Variants in PDIA5 observed in about 807,000 individuals in gnomAD.
PDIA5 encodes protein disulfide isomerase family A member 5, also known as protein disulfide-isomerase A5.
A neutral mutation model predicts 77.6 loss-of-function variants in PDIA5; 58 were observed. The observed-to-expected ratio is 0.75, with a 90% confidence interval of 0.61 to 0.93. The LOEUF (loss-of-function observed/expected upper bound fraction) is 0.93. Among genes scored for constraint, PDIA5 ranks in the 40% least tolerant of loss-of-function variants. PDIA5 has a pLI of 0.00. For missense variants in PDIA5, 630 were observed against 647.7 expected (o/e 0.97, Z 0.30); for synonymous variants, 250 against 252.1 (o/e 0.99, Z 0.08).
At chr3:123,079,360 T>G (rs2107909068) in intron 1 of PDIA5, among the ~76,000 whole-genome samples, 1 of 152,156 alleles carries the variant, frequency 6.6e-6, no homozygotes, top group African/African-American at 2.4e-5. Context: ...TTTTGTATTT[T>G]TAGTAGAGAC....
At chr3:123,082,243 T>C (rs1413985801) in intron 1 of PDIA5, among the ~76,000 whole-genome samples, 1 of 152,118 alleles carries the variant, frequency 6.6e-6, no homozygotes, top group Non-Finnish European at 1.5e-5. Context: ...TCTGCTTGTG[T>C]TGTGCCATCT....
chr3:123,095,185 T>C (rs1419901110), intron 3 of PDIA5, among the ~76,000 whole-genome samples: 3 of 152,244 alleles, frequency 2.0e-5, no homozygotes, highest in African/African-American at 7.2e-5. Flanking sequence ...TCTGCCTTCT[T>C]TCCAGGTCTG....
intron 3 of PDIA5, among the ~76,000 whole-genome samples, chr3:123,096,806 G>T (rs1191109987): frequency 6.6e-6 from 1 of 152,230 alleles, no homozygotes; most frequent in African/African-American, 2.4e-5. Flanking sequence ...TAAGCGGGTT[G>T]TGTGTGCGGG....
chr3:123,153,924 G>T (rs1157997764), intron 14 of PDIA5, among the ~76,000 whole-genome samples: 1 of 152,222 alleles, frequency 6.6e-6, no homozygotes, highest in African/African-American at 2.4e-5. Flanking sequence ...GCTGGCTGAC[G>T]TAGAGGTGTG....
At chr3:123,132,908 A>G (rs935731907) in intron 11 of PDIA5, among the ~76,000 whole-genome samples, 7 of 152,154 alleles carry the variant, frequency 4.6e-5, no homozygotes, top group Admixed American at 1.3e-4. Context: ...GGTTGTGCGC[A>G]TGTGGGTTTA....
chr3:123,138,760 G>C (rs185566439), intron 11 of PDIA5, among the ~76,000 whole-genome samples: 1 of 152,010 alleles, frequency 6.6e-6, no homozygotes, highest in Non-Finnish European at 1.5e-5. Flanking sequence ...GCCCCTCCAC[G>C]CCCGTATTTC....
In PDIA5 at chr3:123,130,021, C is replaced by T. The variant is rs563512002; in HGVS notation, c.774-459C>T. On this transcript the variant is annotated intron_variant, in intron 10 of 16. Coordinates refer to ENST00000316218, the MANE Select transcript of PDIA5 (RefSeq NM_006810.4). ...CTGGCCTCTCTCTCTCCTCCTCACC[C>T]CCTCCTCTCTGTACCCTCTTCCTCC... Among the ~76,000 whole-genome samples, 10 of 152,324 alleles carry T rather than the reference C, an allele frequency of 6.6e-5. No homozygotes were observed. The East Asian group carries it at 1.9e-3, about 29-fold the overall frequency.
At chr3:123,145,670 G>A (rs1935752478) in intron 12 of PDIA5, 78 bp downstream of exon 12, 2 of 1,261,560 alleles carry the variant, frequency 1.6e-6, no homozygotes, top group African/African-American at 3.0e-5. Context: ...ACTTTCCCCT[G>A]CAAGCCCTGC....
intron 11 of PDIA5, among the ~76,000 whole-genome samples, chr3:123,135,066 G>T (rs1424047454): frequency 1.3e-5 from 2 of 152,238 alleles, no homozygotes; most frequent in Non-Finnish European, 2.9e-5. Flanking sequence ...TGCAAATGGT[G>T]TGTCAGGAGG....
intron 8 of PDIA5, among the ~76,000 whole-genome samples, chr3:123,119,941 C>G (rs190582450): frequency 2.6e-5 from 4 of 152,322 alleles, no homozygotes; most frequent in Admixed American, 2.0e-4. Context: ...GTCAGGGATG[C>G]ACAGCCTTTG....
At chr3:123,122,238 T>C (rs1326388415) in intron 8 of PDIA5, among the ~76,000 whole-genome samples, 1 of 152,100 alleles carries the variant, frequency 6.6e-6, no homozygotes, top group Non-Finnish European at 1.5e-5. Context: ...AAGATTAATC[T>C]GTGGTGAATG....
chr3:123,084,817 GTC>G (rs1055117399), intron 1 of PDIA5, among the ~76,000 whole-genome samples: 4 of 152,074 alleles, frequency 2.6e-5, no homozygotes, highest in African/African-American at 9.7e-5. Flanking sequence ...ATTGATCTGT[GTC>G]TCTCCACGCG....
Position 123,106,817 on chromosome 3 carries a change from T to G in PDIA5, c.456T>G (p.Asp152Glu), listed in dbSNP as rs188545035. The G allele has an allele frequency of 8.9e-5, 144 of 1,612,058 alleles. No individual in the cohort carries two copies. The highest frequency in any genetic ancestry group is 5.8e-4 in the Middle Eastern group (3 of 5,214). ...GGGAGGAAGATCCTGGAGCCAAAGA[T>G]GTTGTCCACCTTGACAGTGAAAAGG... ...PLWEEDPGAK[D>E]VVHLDSEKDF... Residue 152 changes from aspartate to glutamate, a missense_variant, in exon 6 of 17, where the codon GAT becomes GAG. Asp to Glu is a conservative substitution (Grantham distance 45). Coordinates refer to ENST00000316218, the MANE Select transcript of PDIA5 (RefSeq NM_006810.4).
chr3:123,153,969 C>T (rs955055623), intron 14 of PDIA5, among the ~76,000 whole-genome samples: 1 of 152,192 alleles, frequency 6.6e-6, no homozygotes, highest in Non-Finnish European at 1.5e-5. Flanking sequence ...GAAACCCTCC[C>T]CTCAGAGCCC....
chr3:123,076,358 T>C (rs1403912405), intron 1 of PDIA5, among the ~76,000 whole-genome samples: 2 of 152,198 alleles, frequency 1.3e-5, no homozygotes, highest in Admixed American at 6.5e-5. Flanking sequence ...TAAACACTCA[T>C]TGTTTATGAC....
chr3:123,112,176 G>T (rs1456280823), intron 7 of PDIA5, among the ~76,000 whole-genome samples: 1 of 152,168 alleles, frequency 6.6e-6, no homozygotes, highest in East Asian at 1.9e-4. Context: ...AAGGCCCTTT[G>T]TGCTGCACCT....
At position 123,067,075 on chromosome 3, in the gene PDIA5, G is replaced by A; in HGVS notation, c.-90G>A. ...CGGGGAGCGGCTGGGAAGTGGCCGT[G>A]GTGGTTGGCCGCGGTGGAGCTAGCA... On this transcript the variant is annotated 5_prime_UTR_variant, in exon 1 of 17. Transcript: ENST00000316218. 9.2e-7 allele frequency: 1 copy of A among 1,082,698 alleles called. No individual in the cohort carries two copies. The highest frequency in any genetic ancestry group is 4.2e-5 in the Admixed American group (1 of 23,532). The allele number at this position is 1,082,698 out of a possible 1,614,324, so 67.1% of individuals were successfully genotyped here. A position where few individuals can be genotyped will look rare whatever the true frequency, so the allele number is the denominator to read the frequency against.
At chr3:123,146,813 TTTTG>T (rs969363556) in intron 13 of PDIA5, among the ~76,000 whole-genome samples, 3 of 143,802 alleles carry the variant, frequency 2.1e-5, no homozygotes, top group Admixed American at 2.1e-4. Context: ...TTTCTTACAA[TTTTG>T]TTTTGTTTTG....
chr3:123,069,772 T>A (rs539828943), intron 1 of PDIA5, among the ~76,000 whole-genome samples: 1 of 152,168 alleles, frequency 6.6e-6, no homozygotes, highest in East Asian at 1.9e-4. Flanking sequence ...TTTTAACATA[T>A]GAATTTTCAG....
Sources: allele counts gnomAD v4.1 joint callset (sites outside exome capture counted in the v4.1 genomes callset), GRCh38; gene constraint gnomAD v4.1.1; transcripts MANE v1.5; gene names NCBI Gene and HGNC (gene_info 2026-07-23, HGNC 2026-07-21).